Variants in GALNTL6 observed in about 807,000 individuals in gnomAD.
GALNTL6 encodes polypeptide N-acetylgalactosaminyltransferase-like 6.
A neutral mutation model predicts 73.7 loss-of-function variants in GALNTL6; 46 were observed. The observed-to-expected ratio is 0.62, with a 90% confidence interval of 0.49 to 0.80. The LOEUF (loss-of-function observed/expected upper bound fraction) is 0.80, where lower values mean the gene tolerates loss of function less well. GALNTL6 is among the 30% of genes least tolerant of loss of function. GALNTL6 has a pLI of 0.00. For missense variants in GALNTL6, 604 were observed against 755.0 expected (o/e 0.80, Z 2.34); for synonymous variants, 259 against 263.7 (o/e 0.98, Z 0.17).
chr4:171,995,120 T>C (rs890211700), intron 2 of GALNTL6, among the ~76,000 whole-genome samples: 1 of 151,654 alleles, frequency 6.6e-6, no homozygotes, highest in East Asian at 1.9e-4. Context: ...AAAATGCATA[T>C]TATTATATAT....
intron 11 of GALNTL6, among the ~76,000 whole-genome samples, chr4:173,014,294 T>C (rs1410413322): frequency 6.6e-6 from 1 of 152,180 alleles, no homozygotes; most frequent in Non-Finnish European, 1.5e-5. Flanking sequence ...CAAAAATAGA[T>C]CCTAATAAGA....
intron 2 of GALNTL6, among the ~76,000 whole-genome samples, chr4:171,993,084 C>T (rs192645696): frequency 2.0e-4 from 30 of 152,036 alleles, no homozygotes; most frequent in Non-Finnish European, 3.1e-4. Flanking sequence ...CTGCCAACTC[C>T]CTCCCCAACA....
chr4:172,597,517 T>A (rs1355352427), intron 5 of GALNTL6, among the ~76,000 whole-genome samples: 1 of 152,090 alleles, frequency 6.6e-6, no homozygotes, highest in Non-Finnish European at 1.5e-5. Flanking sequence ...TAGAAAAGAG[T>A]CTACATTATT....
chr4:171,966,543 A>G (rs1453132679), intron 2 of GALNTL6, among the ~76,000 whole-genome samples: 1 of 152,132 alleles, frequency 6.6e-6, no homozygotes, highest in Non-Finnish European at 1.5e-5. Flanking sequence ...CTGGAATGTA[A>G]TGTATGCCTG....
rs537438877 is a variant in GALNTL6 at position 172,997,759 on chromosome 4, G to A, written c.1372-11419G>A. The stretch of plus-strand genomic sequence containing the variant: ...TGGCATGACTATACTTCATAAAAAT[G>A]TATTGTGTTTGGGAGATGGACACCG... On this transcript the variant is annotated intron_variant, in intron 10 of 12. Transcript: ENST00000506823. 7.2e-5 allele frequency among the ~76,000 whole-genome samples: 11 copies of A among 152,262 alleles called. No individual in the cohort carries two copies. In the South Asian group the frequency reaches 1.7e-3, roughly 23 times the overall value.
At chr4:172,442,105 A>G (rs1327077362) in intron 5 of GALNTL6, among the ~76,000 whole-genome samples, 1 of 152,208 alleles carries the variant, frequency 6.6e-6, no homozygotes, top group East Asian at 1.9e-4. Flanking sequence ...TTATGTGTTC[A>G]TCAGTTGATG....
chr4:172,568,006 C>T (rs893108503), intron 5 of GALNTL6, among the ~76,000 whole-genome samples: 14 of 152,076 alleles, frequency 9.2e-5, no homozygotes, highest in African/African-American at 3.1e-4. Context: ...ACTAAAAATA[C>T]GAATTCAGGA....
chr4:172,535,747 G>A (rs1311079430), intron 5 of GALNTL6, among the ~76,000 whole-genome samples: 1 of 152,168 alleles, frequency 6.6e-6, no homozygotes, highest in South Asian at 2.1e-4. Flanking sequence ...GTAGCTCAAG[G>A]AGAAATTCAC....
At chr4:172,356,208 T>A (rs1294703054) in intron 5 of GALNTL6, among the ~76,000 whole-genome samples, 2 of 152,342 alleles carry the variant, frequency 1.3e-5, no homozygotes, top group Non-Finnish European at 1.5e-5. Flanking sequence ...CCATTTATTT[T>A]TCTTTCAGAC....
chr4:172,122,617 T>C (rs970366899), intron 2 of GALNTL6, among the ~76,000 whole-genome samples: 1 of 152,168 alleles, frequency 6.6e-6, no homozygotes, highest in Admixed American at 6.5e-5. Flanking sequence ...AGGCAAGTTA[T>C]TAGAGGAGTA....
intron 5 of GALNTL6, among the ~76,000 whole-genome samples, chr4:172,766,586 C>G (rs1316202294): frequency 6.6e-6 from 1 of 152,098 alleles, no homozygotes; most frequent in Non-Finnish European, 1.5e-5. Context: ...TTAAAAAGGA[C>G]TATGGAGAAC....
At chr4:172,629,533 C>A (rs1360241725) in intron 5 of GALNTL6, among the ~76,000 whole-genome samples, 1 of 151,996 alleles carries the variant, frequency 6.6e-6, no homozygotes, top group Non-Finnish European at 1.5e-5. Flanking sequence ...ATTACTTTTG[C>A]ATTTAATTAA....
At chr4:171,900,966 A>G (rs1046898404) in intron 2 of GALNTL6, among the ~76,000 whole-genome samples, 2 of 152,188 alleles carry the variant, frequency 1.3e-5, no homozygotes, top group Non-Finnish European at 2.9e-5. Context: ...GGGCAAAACT[A>G]TGGAGCAGGA....
intron 5 of GALNTL6, among the ~76,000 whole-genome samples, chr4:172,373,126 A>G (rs1280646915): frequency 1.3e-5 from 2 of 152,246 alleles, no homozygotes; most frequent in East Asian, 3.9e-4. Context: ...GAAGTGGCCT[A>G]GATCTTGGGC....
At chr4:172,573,605 A>G (rs991055269) in intron 5 of GALNTL6, among the ~76,000 whole-genome samples, 2 of 152,152 alleles carry the variant, frequency 1.3e-5, no homozygotes, top group Non-Finnish European at 2.9e-5. Context: ...TCTTCCTATT[A>G]TACTTAGTCT....
intron 4 of GALNTL6, among the ~76,000 whole-genome samples, chr4:172,322,807 G>A (rs548082473): frequency 6.6e-6 from 1 of 151,786 alleles, no homozygotes; most frequent in East Asian, 1.9e-4. Context: ...ATGAGATTTG[G>A]GTGGGAACAC....
At chr4:171,882,412 T>G (rs4692906) in intron 2 of GALNTL6, among the ~76,000 whole-genome samples, 78,650 of 151,938 alleles carry the variant, frequency 0.52, 21,763 homozygotes, top group African/African-American at 0.73. Flanking sequence ...ATATGAAGGG[T>G]AGTTTATAAG....
chr4:172,832,056 G>A (rs1348420562), intron 7 of GALNTL6, among the ~76,000 whole-genome samples: 2 of 152,084 alleles, frequency 1.3e-5, no homozygotes, highest in African/African-American at 4.8e-5. Flanking sequence ...CCTCTGAGTC[G>A]GGAGCCATCA....
intron 10 of GALNTL6, among the ~76,000 whole-genome samples, chr4:172,963,657 G>T (rs1227555859): frequency 6.6e-6 from 1 of 152,140 alleles, no homozygotes; most frequent in African/African-American, 2.4e-5. Flanking sequence ...TGTGTGTGAA[G>T]CCACCCCAGG....
Sources: allele counts gnomAD v4.1 joint callset (sites outside exome capture counted in the v4.1 genomes callset), GRCh38; gene constraint gnomAD v4.1.1; transcripts MANE v1.5; gene names NCBI Gene and HGNC (gene_info 2026-07-23, HGNC 2026-07-21).